The following SOX5 variants were observed in gnomAD, a reference collection of about 807,000 sequenced individuals.
The protein encoded by SOX5 is SRY-box transcription factor 5, also known as transcription factor SOX-5.
In SOX5, 9 loss-of-function variants were observed where a neutral mutation model predicts 92.0. That is an observed-to-expected ratio of 0.10 (90% CI 0.06 to 0.17). The LOEUF is 0.17. Among genes scored for constraint, SOX5 ranks in the 10% least tolerant of loss-of-function variants. The pLI, the probability that SOX5 is intolerant of heterozygous loss-of-function variation, is 1.00. For synonymous variants in SOX5, 344 were observed against 336.3 expected (o/e 1.02, Z -0.25); for missense variants, 642 against 944.5 (o/e 0.68, Z 4.20).
chr12:24,513,055 T>A (rs35369629), intron 1 of SOX5, among the ~76,000 whole-genome samples: 2 of 152,194 alleles, frequency 1.3e-5, no homozygotes, highest in East Asian at 3.9e-4. Flanking sequence ...GGTACCATAC[T>A]CTCTCATGGT....
intron 4 of SOX5, among the ~76,000 whole-genome samples, chr12:24,051,549 T>C (rs1187217775): frequency 1.3e-5 from 2 of 152,172 alleles, no homozygotes; most frequent in Admixed American, 6.5e-5. Flanking sequence ...AATATAAAGA[T>C]ATCTGTTTAA....
Position 24,294,839 on chromosome 12 carries a change from C to CA in SOX5, c.-173-17528dup, listed in dbSNP as rs559156796. Among the ~76,000 whole-genome samples the CA allele has an allele frequency of 2.7e-3, 416 of 152,294 alleles. 1 individual carries two copies. The highest frequency in any genetic ancestry group is 0.01 in the Middle Eastern group (3 of 294). On this transcript the variant is annotated intron_variant, in intron 2 of 4. Transcript: ENST00000446891. ...GGCCAAGTTAGGAAAATCTAATCTA[C>CA]AAAAAATTGCACAATTCATCTCTCT...
chr12:23,646,748 C>A (rs2080906077), intron 7 of SOX5, among the ~76,000 whole-genome samples: 1 of 152,166 alleles, frequency 6.6e-6, no homozygotes, highest in African/African-American at 2.4e-5. Context: ...TAAGAAGAAA[C>A]TCCTCATCCA....
chr12:24,306,394 G>A (rs555060782), intron 2 of SOX5, among the ~76,000 whole-genome samples: 62 of 152,326 alleles, frequency 4.1e-4, no homozygotes, highest in African/African-American at 1.3e-3. Context: ...TTCTGCCACC[G>A]AAGTGTGGAC....
At chr12:23,645,271 G>C (rs954061694) in intron 7 of SOX5, among the ~76,000 whole-genome samples, 1 of 152,036 alleles carries the variant, frequency 6.6e-6, no homozygotes, top group African/African-American at 2.4e-5. Flanking sequence ...GAGACCTTTC[G>C]GATAGGGTGA....
intron 2 of SOX5, among the ~76,000 whole-genome samples, chr12:24,317,496 G>A (rs536903): frequency 0.59 from 89,551 of 152,004 alleles, 29,473 homozygotes; most frequent in South Asian, 0.78. Flanking sequence ...TAAGATTTTC[G>A]TTTCTATTCC....
intron 6 of SOX5, among the ~76,000 whole-genome samples, chr12:23,666,728 C>A (rs1290588371): frequency 6.6e-6 from 1 of 152,028 alleles, no homozygotes; most frequent in Admixed American, 6.6e-5. Flanking sequence ...AGTAGAGATG[C>A]AATAGTGAAC....
chr12:24,412,107 G>A (rs1761640276), intron 1 of SOX5, among the ~76,000 whole-genome samples: 1 of 152,072 alleles, frequency 6.6e-6, no homozygotes, highest in Admixed American at 6.5e-5. Context: ...TGCAGAGTCT[G>A]CAGTGATACA....
Position 23,531,156 on chromosome 12 carries a change from T to A in SOX5, c.*3063A>T, listed in dbSNP as rs1192077025. The A allele has an allele frequency of 1.3e-5, 2 of 152,178 alleles. No individual in the cohort carries two copies. Among genetic ancestry groups the A allele is most frequent in the Non-Finnish European group, 2.9e-5 (2 of 68,032 alleles). 9.4% of individuals were successfully genotyped at this position (152,178 alleles called of 1,614,324 possible). On this transcript the variant is annotated 3_prime_UTR_variant, in exon 15 of 15. Coordinates refer to ENST00000451604, the MANE Select transcript of SOX5 (RefSeq NM_006940.6). ...GCTTTTGTTTTCTTTTGGGGAAAAC[T>A]AGGGCAAAGAAAATTTGATGTCCAG...
chr12:24,484,668 A>G (rs1349963577), intron 1 of SOX5, among the ~76,000 whole-genome samples: 2 of 152,308 alleles, frequency 1.3e-5, no homozygotes, highest in Non-Finnish European at 1.5e-5. Flanking sequence ...GGGAATTAAC[A>G]TTATGTATGC....
At chr12:24,241,919 T>C (rs1965632362) in intron 3 of SOX5, among the ~76,000 whole-genome samples, 2 of 152,312 alleles carry the variant, frequency 1.3e-5, no homozygotes, top group Admixed American at 1.3e-4. Flanking sequence ...TCTACAGTTT[T>C]AATTTTTAAG....
intron 2 of SOX5, among the ~76,000 whole-genome samples, chr12:24,291,695 G>C (rs559028005): frequency 6.6e-6 from 1 of 152,128 alleles, no homozygotes; most frequent in Admixed American, 6.6e-5. Flanking sequence ...AATACAGTAT[G>C]GCTCAGTATG....
intron 2 of SOX5, among the ~76,000 whole-genome samples, chr12:24,334,341 A>G (rs1323051472): frequency 1.3e-5 from 2 of 152,118 alleles, no homozygotes; most frequent in Non-Finnish European, 2.9e-5. Flanking sequence ...GAAAACTGTA[A>G]TATATTAATA....
At chr12:24,030,741 C>T (rs866001329) in intron 4 of SOX5, among the ~76,000 whole-genome samples, 1 of 151,872 alleles carries the variant, frequency 6.6e-6, no homozygotes, top group African/African-American at 2.4e-5. Flanking sequence ...AAACAACCAA[C>T]AGAGTAAAGA....
chr12:24,143,768 GT>G (rs1435006543), intron 4 of SOX5, among the ~76,000 whole-genome samples: 1 of 151,792 alleles, frequency 6.6e-6, no homozygotes, highest in Non-Finnish European at 1.5e-5. Flanking sequence ...ATTCTTACAT[GT>G]GTGCAGACAG....
At chr12:23,591,888 G>A (rs1463000064) in intron 9 of SOX5, among the ~76,000 whole-genome samples, 2 of 152,104 alleles carry the variant, frequency 1.3e-5, no homozygotes, top group South Asian at 2.1e-4. Context: ...TACCACAAGA[G>A]AAGAATTTTT....
chr12:23,549,831 T>C (rs1943854870), intron 11 of SOX5, among the ~76,000 whole-genome samples: 1 of 151,928 alleles, frequency 6.6e-6, no homozygotes, highest in African/African-American at 2.4e-5. Context: ...TTAGGTTAAG[T>C]CTGTTTAAAA....
intron 4 of SOX5, among the ~76,000 whole-genome samples, chr12:24,064,861 G>A (rs1940392158): frequency 6.6e-6 from 1 of 152,184 alleles, no homozygotes; most frequent in South Asian, 2.1e-4. Flanking sequence ...TGTGACAGAG[G>A]TTATAGTTCG....
At chr12:24,229,595 T>C (rs1468745433) in intron 3 of SOX5, among the ~76,000 whole-genome samples, 2 of 152,204 alleles carry the variant, frequency 1.3e-5, no homozygotes, top group Non-Finnish European at 2.9e-5. Flanking sequence ...GGGATCCTAA[T>C]ATTGAGCCAT....
Sources: gnomAD v4.1 joint callset for allele counts (sites outside exome capture counted in the v4.1 genomes callset) on GRCh38, gnomAD v4.1.1 for gene constraint, MANE v1.5 for transcripts, NCBI Gene and HGNC (gene_info 2026-07-23, HGNC 2026-07-21) for gene names.